The following ZNRF3 variants were observed in gnomAD, a reference collection of about 807,000 sequenced individuals.
The protein encoded by ZNRF3 is zinc and ring finger 3.
ZNRF3 carries 23 observed loss-of-function variants against 72.5 expected under a neutral mutation model. The ratio of observed to expected loss-of-function variants is 0.32; its 90% CI spans 0.23 to 0.45. The LOEUF is 0.45. ZNRF3 is among the 20% of genes least tolerant of loss of function. The pLI is 1.00. For missense variants in ZNRF3, 1,169 were observed against 1,272.1 expected, an observed-to-expected ratio of 0.92 and a Z score of 1.23; for synonymous variants, 610 against 545.3, an observed-to-expected ratio of 1.12 and a Z score of -1.65.
chr22:28,913,651 T>C (rs532963733), intron 1 of ZNRF3, among the ~76,000 whole-genome samples: 2 of 152,296 alleles, frequency 1.3e-5, no homozygotes, highest in African/African-American at 4.8e-5. Context: ...TGATGGGGTA[T>C]AGGGAGTTGT....
At chr22:29,037,107 C>T (rs4820794) in intron 2 of ZNRF3, among the ~76,000 whole-genome samples, 73,428 of 151,924 alleles carry the variant, frequency 0.48, 18,133 homozygotes, top group East Asian at 0.54. Flanking sequence ...AAAGTTTTCC[C>T]GCAATAAAGG....
intron 2 of ZNRF3, among the ~76,000 whole-genome samples, chr22:29,020,759 G>GTTTTTTT (rs762825720): frequency 6.4e-5 from 9 of 140,060 alleles, no homozygotes; most frequent in African/African-American, 2.4e-4. Context: ...GAGGGGCTTT[G>GTTTTTTT]TTTTTGTGTG....
chr22:29,045,023 G>T (rs2037039235), intron 5 of ZNRF3, 133 bp downstream of exon 5: 9 of 671,522 alleles, frequency 1.3e-5, no homozygotes, highest in Non-Finnish European at 2.4e-5. Flanking sequence ...GAGCTCTGCA[G>T]CCTGTTCCCA....
intron 1 of ZNRF3, among the ~76,000 whole-genome samples, chr22:28,910,176 C>T (rs2123760046): frequency 6.6e-6 from 1 of 152,208 alleles, no homozygotes; most frequent in South Asian, 2.1e-4. Flanking sequence ...GTTGTGATTA[C>T]AGGTGCCCAC....
intron 6 of ZNRF3, among the ~76,000 whole-genome samples, chr22:29,047,087 T>C (rs1407526784): frequency 1.3e-5 from 2 of 152,170 alleles, no homozygotes; most frequent in Non-Finnish European, 2.9e-5. Flanking sequence ...ATCCCTCACT[T>C]TTTTTTCTTG....
rs1030457952 is a variant in ZNRF3, at chr22:29,056,551, C to T, written c.*2929C>T. Reference sequence around the variant, plus strand: ...TAAGACTCCACCAATGACAGACACCCTTTTCGGTGGACTCTGAGTGGTGTG... The same window carrying T: ...TAAGACTCCACCAATGACAGACACCTTTTTCGGTGGACTCTGAGTGGTGTG... On this transcript the variant is annotated 3_prime_UTR_variant, in exon 9 of 9. Coordinates refer to ENST00000544604, the MANE Select transcript of ZNRF3 (RefSeq NM_001206998.2). 5 of 152,198 alleles carry T rather than the reference C, an allele frequency of 3.3e-5. No individual in the cohort carries two copies. The highest frequency in any genetic ancestry group is 1.2e-4 in the African/African-American group (5 of 41,436). The allele number at this position is 152,198 out of a possible 1,614,324, so 9.4% of individuals were successfully genotyped here. A position where few individuals can be genotyped will look rare whatever the true frequency, so the allele number is the denominator to read the frequency against.
rs543046460 is a variant in ZNRF3 at position 28,916,968 on chromosome 22, C to T, written c.300+32902C>T. 8.6e-4 allele frequency among the ~76,000 whole-genome samples: 131 copies of T among 152,280 alleles called. 1 individual carries two copies. The South Asian group carries it at 0.023, about 27-fold the overall frequency. On this transcript the variant is annotated intron_variant, in intron 1 of 8. Coordinates refer to ENST00000544604, the MANE Select transcript of ZNRF3 (RefSeq NM_001206998.2). ...CTTTAGATGCCTGGAACCCTGGCCC[C>T]ACACAGCTGTTAGGCCCCCTCTATT...
chr22:29,047,655 G>T (rs572622949), intron 6 of ZNRF3, among the ~76,000 whole-genome samples: 2 of 152,240 alleles, frequency 1.3e-5, no homozygotes, highest in Non-Finnish European at 1.5e-5. Context: ...TCCATGAGAA[G>T]ATCCAGGGTA....
Position 29,048,589 on chromosome 22 carries a change from A to G in ZNRF3, c.1015+98A>G. 1 of 1,260,536 alleles carries G rather than the reference A, an allele frequency of 7.9e-7. No individual in the cohort carries two copies. Among genetic ancestry groups the G allele is most frequent in the Non-Finnish European group, 1.1e-6 (1 of 879,206 alleles). The allele number at this position is 1,260,536 out of a possible 1,614,324, so 78.1% of individuals were successfully genotyped here. On this transcript the variant is annotated intron_variant, in intron 7 of 8. Transcript: ENST00000544604. This position sits in a 1 kb window ranked among gnomAD's most constrained non-coding sequence, Gnocchi z 4.9. ...TGGGAACACTCAGAACCACCGTGGC[A>G]CTGCCCTCTGGACTTGGAGGCCTGG...
intron 2 of ZNRF3, among the ~76,000 whole-genome samples, chr22:28,995,258 C>T (rs2036027775): frequency 6.6e-6 from 1 of 151,828 alleles, no homozygotes; most frequent in Non-Finnish European, 1.5e-5. Flanking sequence ...ACGGTGAAAC[C>T]CCATCTCTAC....
chr22:29,046,934 G>T, intron 6 of ZNRF3, 51 bp downstream of exon 6: 1 of 1,444,960 alleles, frequency 6.9e-7, no homozygotes, highest in East Asian at 2.5e-5. Context: ...AGGCAGGTCA[G>T]CAGAGGTGCC....
intron 1 of ZNRF3, among the ~76,000 whole-genome samples, chr22:28,973,953 CTTTTTT>C (rs553300044): frequency 4.5e-5 from 5 of 111,474 alleles, no homozygotes; most frequent in South Asian, 6.4e-4. Flanking sequence ...CTCTCTCTCT[CTTTTTT>C]TTTTTTTTTT....
intron 2 of ZNRF3, among the ~76,000 whole-genome samples, chr22:28,996,392 G>T (rs2036046114): frequency 6.6e-6 from 1 of 152,210 alleles, no homozygotes; most frequent in South Asian, 2.1e-4. Context: ...GTGTTTTAAA[G>T]ATTTCTCAGA....
intron 1 of ZNRF3, among the ~76,000 whole-genome samples, chr22:28,985,410 A>T (rs775789895): frequency 3.3e-5 from 5 of 152,130 alleles, no homozygotes; most frequent in Non-Finnish European, 7.3e-5. Flanking sequence ...TGCCCTGATC[A>T]GTCTAACTCT....
chr22:28,966,889 T>G (rs1024674509), intron 1 of ZNRF3, among the ~76,000 whole-genome samples: 5 of 147,506 alleles, frequency 3.4e-5, no homozygotes, highest in African/African-American at 1.3e-4. Flanking sequence ...TTTTTTTTTT[T>G]GAGATGGAGT....
rs2123893799 is a variant in ZNRF3, at chr22:29,055,478, C to T, written c.*1856C>T. ...GTATGATGAGGAAATTTACTTATCT[C>T]TAGCTAGGATTTGACAAATTCCAAC... is the stretch of plus-strand genomic sequence containing the variant. On this transcript the variant is annotated 3_prime_UTR_variant, in exon 9 of 9. Transcript: ENST00000544604. 2 of 152,346 alleles carry T rather than the reference C, an allele frequency of 1.3e-5. No homozygotes were observed. Among genetic ancestry groups the T allele is most frequent in the Admixed American group, 1.3e-4 (2 of 15,302 alleles). 9.4% of individuals were successfully genotyped at this position (152,346 alleles called of 1,614,324 possible).
At position 29,049,538 on chromosome 22, in the gene ZNRF3, G is replaced by A; in HGVS notation, c.1357G>A (p.Gly453Ser). 6.2e-7 allele frequency: 1 copy of A among 1,604,466 alleles called. No homozygotes were observed. The highest frequency in any genetic ancestry group is 1.1e-5 in the South Asian group (1 of 90,652). ...AHPFRRPKLS[G>S]RSFSKAACFS... The stretch of plus-strand genomic sequence containing the variant: ...CCCCTTCCGCAGGCCCAAGTTGAGT[G>A]GCCGCAGCTTCTCCAAGGCAGCTTG... Residue 453 changes from glycine (G) to serine (S), a missense_variant, in exon 8 of 9, where the codon GGC (glycine) becomes AGC (serine). By Grantham distance (56) the Gly-to-Ser change is moderately conservative (BLOSUM62 0). Around this residue, in one of 2 missense-constraint regions of ZNRF3, gnomAD observed 783 missense variants for 731.4 expected, o/e 1.07. Transcript: ENST00000544604. This position sits in a 1 kb window ranked among gnomAD's most constrained non-coding sequence, Gnocchi z 5.2.
intron 1 of ZNRF3, among the ~76,000 whole-genome samples, chr22:28,977,554 G>C (rs892741129): frequency 7.2e-5 from 11 of 152,170 alleles, no homozygotes; most frequent in African/African-American, 2.7e-4. Flanking sequence ...ACTGATGTGA[G>C]ACTCTGTACC....
intron 1 of ZNRF3, chr22:28,917,359 C>T (rs2123765319): frequency 3.1e-6 from 3 of 958,148 alleles, no homozygotes; most frequent in Non-Finnish European, 3.7e-6. Flanking sequence ...ACTGCCAACT[C>T]CTCAGGAGGC....
Sources: gnomAD v4.1 joint callset for allele counts (sites outside exome capture counted in the v4.1 genomes callset) on GRCh38, gnomAD v4.1.1 for gene constraint, gnomAD v4.1.1 regional missense constraint, Gnocchi (gnomAD v3.1) non-coding constraint, MANE v1.5 for transcripts, NCBI Gene and HGNC (gene_info 2026-07-23, HGNC 2026-07-21) for gene names.